The following TENM3 variants were observed in gnomAD, a reference collection of about 807,000 sequenced individuals.
TENM3 encodes the protein teneurin-3.
A neutral mutation model predicts 255.1 loss-of-function variants in TENM3; 63 were observed. The observed-to-expected ratio is 0.25, with a 90% confidence interval of 0.20 to 0.30. The LOEUF is 0.30. Ranked by LOEUF, TENM3 falls within the 10% of genes least tolerant of loss-of-function variation. The probability of loss-of-function intolerance (pLI) is 1.00; values close to 1 mark genes in which losing one functional copy is unlikely to be tolerated. For synonymous variants in TENM3, 1,306 were observed against 1,322.3 expected (o/e 0.99, Z 0.27); for missense variants, 2,929 against 3,461.1 (o/e 0.85, Z 3.86).
intron 3 of TENM3, among the ~76,000 whole-genome samples, chr4:182,507,813 A>G (rs1198161530): frequency 6.6e-6 from 1 of 152,236 alleles, no homozygotes; most frequent in African/African-American, 2.4e-5. Flanking sequence ...TGCCAAAGAG[A>G]CGAAATAGAT....
the TENM3 span, among the ~76,000 whole-genome samples, chr4:181,902,144 T>C: frequency 1.3e-5 from 2 of 148,178 alleles, no homozygotes; most frequent in African/African-American, 2.5e-5. Context: ...CACACACTTA[T>C]ATACAATTTG....
chr4:182,139,392 T>C (rs912570038), upstream of TENM3, among the ~76,000 whole-genome samples: 3 of 152,228 alleles, frequency 2.0e-5, no homozygotes, highest in African/African-American at 7.2e-5. Flanking sequence ...AGTCACTTGA[T>C]ACCTATATTT....
the TENM3 span, among the ~76,000 whole-genome samples, chr4:181,621,267 T>C: frequency 6.6e-6 from 1 of 152,186 alleles, no homozygotes; most frequent in Admixed American, 6.5e-5. Context: ...GTAAAGTGCA[T>C]GTTAAATGAA....
the TENM3 span, among the ~76,000 whole-genome samples, chr4:181,657,317 T>C: frequency 6.6e-6 from 1 of 152,094 alleles, no homozygotes; most frequent in African/African-American, 2.4e-5. Flanking sequence ...TAATAAACAA[T>C]TCAACAAGCA....
chr4:181,547,314 A>G, the TENM3 span, among the ~76,000 whole-genome samples: 4 of 152,292 alleles, frequency 2.6e-5, no homozygotes, highest in Admixed American at 2.0e-4. Context: ...TTGGAAGACA[A>G]AGTTGAAGAA....
At chr4:182,173,883 C>G (rs1752269555) in intron 1 of TENM3, among the ~76,000 whole-genome samples, 1 of 152,062 alleles carries the variant, frequency 6.6e-6, no homozygotes, top group Non-Finnish European at 1.5e-5. Context: ...TGTAAGTTCT[C>G]TATAGCTATG....
At chr4:182,412,907 C>A (rs1770097476) in intron 3 of TENM3, among the ~76,000 whole-genome samples, 1 of 148,488 alleles carries the variant, frequency 6.7e-6, no homozygotes. Context: ...ACAAATGAAA[C>A]AAATACAGAA....
the TENM3 span, among the ~76,000 whole-genome samples, chr4:181,882,994 G>A: frequency 0.6 from 90,564 of 151,954 alleles, 27,488 homozygotes; most frequent in Middle Eastern, 0.67. Context: ...TTTTTCAGTT[G>A]TAATTTCAAT....
the TENM3 span, among the ~76,000 whole-genome samples, chr4:182,100,445 A>C: frequency 0.035 from 3,122 of 90,146 alleles, 168 homozygotes; most frequent in African/African-American, 0.097. Context: ...CCGTAAAAAA[A>C]AAAATATATA....
the TENM3 span, among the ~76,000 whole-genome samples, chr4:181,489,043 G>A: frequency 6.6e-6 from 1 of 152,130 alleles, no homozygotes; most frequent in African/African-American, 2.4e-5. Context: ...AGACTCAGTG[G>A]CAAGTGACCA....
chr4:181,807,274 G>T, the TENM3 span, among the ~76,000 whole-genome samples: 2 of 152,270 alleles, frequency 1.3e-5, no homozygotes, highest in Admixed American at 1.3e-4. Context: ...CATAAATATG[G>T]ATAAGTAAAC....
chr4:182,071,300 C>CAATT, the TENM3 span, among the ~76,000 whole-genome samples: 1 of 152,228 alleles, frequency 6.6e-6, no homozygotes, highest in East Asian at 1.9e-4. Flanking sequence ...CAAATGTGAA[C>CAATT]AATTATAATT....
intron 1 of TENM3, among the ~76,000 whole-genome samples, chr4:182,313,136 G>A (rs184213747): frequency 5.8e-4 from 88 of 151,292 alleles, no homozygotes; most frequent in African/African-American, 2.0e-3. Context: ...TTCAGTTTTT[G>A]TTTCCTTCTA....
intron 22 of TENM3, among the ~76,000 whole-genome samples, chr4:182,757,493 T>C (rs1018409333): frequency 3.3e-5 from 5 of 152,110 alleles, no homozygotes; most frequent in African/African-American, 1.2e-4. Flanking sequence ...GAGTTCATTG[T>C]ATGGATTAGT....
At chr4:182,180,130 GTTTT>G (rs66892895) in intron 1 of TENM3, among the ~76,000 whole-genome samples, 1 of 148,246 alleles carries the variant, frequency 6.7e-6, no homozygotes, top group Non-Finnish European at 1.5e-5. Context: ...AAATCGAAGA[GTTTT>G]TTTTTTTTAA....
At chr4:181,619,291 ATT>A in the TENM3 span, among the ~76,000 whole-genome samples, 1 of 152,134 alleles carries the variant, frequency 6.6e-6, no homozygotes, top group African/African-American at 2.4e-5. Context: ...ATAGCCCTTT[ATT>A]AAAGCCTTCT....
At chr4:181,657,934 G>A in the TENM3 span, among the ~76,000 whole-genome samples, 6 of 152,260 alleles carry the variant, frequency 3.9e-5, no homozygotes, top group South Asian at 8.3e-4. Flanking sequence ...GGAGCTAAGC[G>A]TTGGGTACAC....
chr4:181,987,876 TAACA>T, the TENM3 span, among the ~76,000 whole-genome samples: 3 of 152,020 alleles, frequency 2.0e-5, no homozygotes, highest in African/African-American at 7.2e-5. Context: ...GGTAAGGCAT[TAACA>T]AACAAACGTG....
At chr4:181,682,281 G>T in the TENM3 span, among the ~76,000 whole-genome samples, 1 of 152,142 alleles carries the variant, frequency 6.6e-6, no homozygotes, top group Non-Finnish European at 1.5e-5. Context: ...TCTGTACTTT[G>T]AATTTCCCTT....
Sources: gnomAD v4.1 joint callset for allele counts (sites outside exome capture counted in the v4.1 genomes callset) on GRCh38, gnomAD v4.1.1 for gene constraint, MANE v1.5 for transcripts, NCBI Gene and HGNC (gene_info 2026-07-23, HGNC 2026-07-21) for gene names.